Variants in ESR2 observed in about 807,000 individuals in gnomAD.
The protein encoded by ESR2 is estrogen receptor 2.
Under a neutral mutation model 49.6 loss-of-function variants are expected in ESR2, and 36 were observed. The ratio of observed to expected loss-of-function variants is 0.73; its 90% CI spans 0.56 to 0.96. ESR2 has a LOEUF of 0.96. ESR2 is among the 40% of genes least tolerant of loss of function. ESR2 has a pLI of 0.00. For synonymous variants in ESR2, 320 were observed against 266.1 expected (o/e 1.20, Z -1.97); for missense variants, 714 against 693.0 (o/e 1.03, Z -0.34).
At chr14:64,285,334 C>A (rs1039870455) in intron 1 of ESR2, among the ~76,000 whole-genome samples, 12 of 152,204 alleles carry the variant, frequency 7.9e-5, no homozygotes, top group African/African-American at 2.9e-4. Context: ...GTTGCCTCAA[C>A]CCATCATTCC....
At chr14:64,263,392 C>T (rs1330036580) in intron 4 of ESR2, among the ~76,000 whole-genome samples, 1 of 152,150 alleles carries the variant, frequency 6.6e-6, no homozygotes, top group Non-Finnish European at 1.5e-5. Flanking sequence ...TGCGCTGGCT[C>T]ATGCCTGTAA....
At chr14:64,252,173 C>T (rs968585990) in intron 6 of ESR2, among the ~76,000 whole-genome samples, 2 of 151,984 alleles carry the variant, frequency 1.3e-5, no homozygotes, top group African/African-American at 4.8e-5. Flanking sequence ...ATAAACCAGG[C>T]ATGGTAGCAT....
At chr14:64,328,350 C>A (rs541937963) in intron 1 of ESR2, among the ~76,000 whole-genome samples, 1 of 151,146 alleles carries the variant, frequency 6.6e-6, no homozygotes, top group East Asian at 1.9e-4. Flanking sequence ...ACCTGGGAGG[C>A]AGAGGTTGCA....
chr14:64,296,505 TAAAC>T (rs2076960052), upstream of ESR2, among the ~76,000 whole-genome samples: 1 of 152,220 alleles, frequency 6.6e-6, no homozygotes, highest in South Asian at 2.1e-4. Flanking sequence ...TCAGGAAGGT[TAAAC>T]AACCTCCCTA....
chr14:64,232,947 G>T lies in ESR2; in HGVS notation c.*190C>A. 8.0e-7 allele frequency: 1 copy of T among 1,256,704 alleles called. No homozygotes were observed. Among genetic ancestry groups the T allele is most frequent in the Non-Finnish European group, 1.0e-6 (1 of 957,692 alleles). 77.8% of individuals were successfully genotyped at this position (1,256,704 alleles called of 1,614,324 possible). A position where few individuals can be genotyped will look rare whatever the true frequency, so the allele number is the denominator to read the frequency against. On this transcript the variant is annotated 3_prime_UTR_variant, in exon 9 of 9. Transcript: ENST00000341099. ...ATTCAAATGTGCCCTCTGCTAACAAGGGAAACTATGGCTTCCTCACACCGA... is the reference window on the plus strand; with the variant it reads ...ATTCAAATGTGCCCTCTGCTAACAATGGAAACTATGGCTTCCTCACACCGA...
chr14:64,237,294 A>G (rs1175904814), intron 7 of ESR2, among the ~76,000 whole-genome samples: 1 of 152,142 alleles, frequency 6.6e-6, no homozygotes, highest in Non-Finnish European at 1.5e-5. Flanking sequence ...CACACATCAT[A>G]TTTGAAATGG....
At chr14:64,301,010 C>T (rs1336358925) in intron 1 of ESR2, among the ~76,000 whole-genome samples, 2 of 152,152 alleles carry the variant, frequency 1.3e-5, no homozygotes, top group Non-Finnish European at 2.9e-5. Flanking sequence ...TAATTTTATC[C>T]TTAAAACAAT....
Position 64,229,273 on chromosome 14 carries a change from T to C in ESR2, c.*3864A>G, listed in dbSNP as rs1415559501. The stretch of plus-strand genomic sequence containing the variant: ...CCCCTCCATTCTGCTGCGACTCAGC[T>C]CACAAAGCAGATTCTCACAGAAGCA... On this transcript the variant is annotated 3_prime_UTR_variant, in exon 9 of 9. Coordinates refer to ENST00000341099, the MANE Select transcript of ESR2 (RefSeq NM_001437.3). Among the ~76,000 whole-genome samples, 1 of 152,060 alleles carries C rather than the reference T, an allele frequency of 6.6e-6. No individual in the cohort carries two copies. The highest frequency in any genetic ancestry group is 1.5e-5 in the Non-Finnish European group (1 of 67,998).
chr14:64,300,702 G>A (rs1357545061), intron 1 of ESR2, among the ~76,000 whole-genome samples: 6 of 152,076 alleles, frequency 3.9e-5, no homozygotes, highest in African/African-American at 7.2e-5. Context: ...GCTTCAGTGA[G>A]CTAAGATCAC....
intron 2 of ESR2, among the ~76,000 whole-genome samples, chr14:64,281,432 C>A (rs951008697): frequency 6.6e-6 from 1 of 151,376 alleles, no homozygotes; most frequent in Non-Finnish European, 1.5e-5. Context: ...ATATGTCTTC[C>A]TTTAAAGGAG....
chr14:64,272,696 T>C (rs144146629), intron 3 of ESR2, among the ~76,000 whole-genome samples: 4 of 152,352 alleles, frequency 2.6e-5, no homozygotes, highest in Admixed American at 2.6e-4. Context: ...GATTTGTTTC[T>C]GGGTTCTCTA....
At chr14:64,235,247 G>T (rs2075570581) in intron 7 of ESR2, 97 bp from the exon 8 acceptor site, 8 of 1,358,860 alleles carry the variant, frequency 5.9e-6, no homozygotes, top group Non-Finnish European at 6.0e-6. Context: ...GGTGATCTGG[G>T]TTGCTTTGAC....
intron 3 of ESR2, among the ~76,000 whole-genome samples, chr14:64,269,746 T>C (rs906058331): frequency 1.3e-5 from 2 of 152,180 alleles, no homozygotes; most frequent in South Asian, 2.1e-4. Flanking sequence ...ATAAGGCCCA[T>C]TGTAGTAAAA....
Position 64,285,199 on chromosome 14 carries a change from C to T in ESR2, c.-90-2124G>A, listed in dbSNP as rs139424780. ...ATCTGTAACAGGCTTCTTACTGCTC[C>T]TCGTCCCCAGTTAGCTTCTCCTCCA... is the stretch of plus-strand genomic sequence containing the variant. On this transcript the variant is annotated intron_variant, in intron 1 of 8. Coordinates refer to ENST00000341099, the MANE Select transcript of ESR2 (RefSeq NM_001437.3). 1.6e-3 allele frequency among the ~76,000 whole-genome samples: 247 copies of T among 152,264 alleles called. 1 individual carries two copies. The highest frequency in any genetic ancestry group is 5.6e-3 in the African/African-American group (234 of 41,568).
chr14:64,295,179 A>G (rs1246806709), upstream of ESR2, among the ~76,000 whole-genome samples: 2 of 139,182 alleles, frequency 1.4e-5, no homozygotes, highest in Non-Finnish European at 3.1e-5. Context: ...GTAGCATGTG[A>G]CCCACAGGCC....
chr14:64,334,598 AGAG>A (rs2077505854), intron 1 of ESR2, among the ~76,000 whole-genome samples: 1 of 152,242 alleles, frequency 6.6e-6, no homozygotes, highest in Admixed American at 6.5e-5. Context: ...ACATTCAAGA[AGAG>A]GAGAATTAGC....
intron 5 of ESR2, 56 bp downstream of exon 5, chr14:64,260,393 A>G (rs200064223): frequency 2.2e-4 from 322 of 1,470,534 alleles, no homozygotes; most frequent in Admixed American, 2.8e-4. Flanking sequence ...CCCCTTAAAT[A>G]TTAGCGGCCG....
At position 64,319,987 on chromosome 14, in the gene ESR2, T is replaced by G. The variant is rs574482347; in HGVS notation, c.-91+17911A>C. On this transcript the variant is annotated intron_variant, in intron 1 of 8. Transcript: ENST00000358599. Reference sequence around the variant, plus strand: ...CACATAAAAACCTGCACTTGAATGCTTATAGCAGCTTTATTTATAATTGTC... The same window carrying G: ...CACATAAAAACCTGCACTTGAATGCGTATAGCAGCTTTATTTATAATTGTC... Among the ~76,000 whole-genome samples the G allele has an allele frequency of 1.4e-3, 211 of 152,316 alleles. 1 individual carries two copies. Among genetic ancestry groups the G allele is most frequent in the Non-Finnish European group, 1.7e-3 (114 of 68,036 alleles).
chr14:64,238,793 A>G (rs1048649602), intron 7 of ESR2, among the ~76,000 whole-genome samples: 6 of 151,642 alleles, frequency 4.0e-5, no homozygotes, highest in African/African-American at 1.5e-4. Context: ...TCTTGGCACC[A>G]TGCCTCACAC....
Sources: allele counts gnomAD v4.1 joint callset (sites outside exome capture counted in the v4.1 genomes callset), GRCh38; gene constraint gnomAD v4.1.1; transcripts MANE v1.5; gene names NCBI Gene and HGNC (gene_info 2026-07-23, HGNC 2026-07-21).